The following PTCD3 variants were observed in gnomAD, a reference collection of about 807,000 sequenced individuals.
The protein encoded by PTCD3 is pentatricopeptide repeat domain 3, also known as small ribosomal subunit protein mS39.
A neutral mutation model predicts 101.9 loss-of-function variants in PTCD3; 89 were observed. The ratio of observed to expected loss-of-function variants is 0.87; its 90% CI spans 0.74 to 1.04. PTCD3 has a LOEUF of 1.04. Among genes scored for constraint, PTCD3 ranks in the 50% least tolerant of loss-of-function variants. The pLI, the probability that PTCD3 is intolerant of heterozygous loss-of-function variation, is 0.00. For synonymous variants in PTCD3, 296 were observed against 278.5 expected (o/e 1.06, Z -0.63); for missense variants, 870 against 828.2 (o/e 1.05, Z -0.62).
At chr2:86,136,099 G>C in intron 21 of PTCD3, 1 of 504,866 alleles carries the variant, frequency 2.0e-6, no homozygotes, top group Admixed American at 2.1e-5. Context: ...TTTTCCAGCT[G>C]TGCACAGGAT....
intron 14 of PTCD3, among the ~76,000 whole-genome samples, chr2:86,129,213 A>T (rs1393062838): frequency 6.6e-6 from 1 of 152,186 alleles, no homozygotes; most frequent in Non-Finnish European, 1.5e-5. Context: ...TCTGACTCCA[A>T]AGTATATTCC....
At chr2:86,117,594 T>C (rs1416010521) in intron 6 of PTCD3, among the ~76,000 whole-genome samples, 1 of 151,234 alleles carries the variant, frequency 6.6e-6, no homozygotes, top group Non-Finnish European at 1.5e-5. Context: ...ACTACAGGGG[T>C]GTGCCACCAT....
At chr2:86,127,843 CAA>C (rs1486625343) in intron 13 of PTCD3, 96 bp from the exon 14 acceptor site, 9 of 973,358 alleles carry the variant, frequency 9.2e-6, no homozygotes, top group African/African-American at 4.8e-5. Flanking sequence ...TAAATATTAA[CAA>C]TATGTTTTTA....
At position 86,132,310 on chromosome 2, in the gene PTCD3, A is replaced by G; in HGVS notation, c.1267-8A>G. 1 of 1,551,100 alleles carries G rather than the reference A, an allele frequency of 6.4e-7. No homozygotes were observed. Among genetic ancestry groups the G allele is most frequent in the Non-Finnish European group, 8.9e-7 (1 of 1,126,256 alleles). ...TCAGAGTGATACTTACTACTTGCAT[A>G]TTTTCAGTGCTCATCTCTCAGAGAT... On this transcript the variant is annotated splice_region_variant and splice_polypyrimidine_tract_variant and intron_variant, in intron 16 of 23. Transcript: ENST00000254630.
chr2:86,130,617 G>A, intron 14 of PTCD3, 31 bp from the exon 15 acceptor site: 1 of 1,600,596 alleles, frequency 6.2e-7, no homozygotes, highest in Non-Finnish European at 8.5e-7. Flanking sequence ...AAAGGAAGTG[G>A]ATTAAACACA....
rs1674662213 is a variant in PTCD3 at position 86,140,366 on chromosome 2, A to G, written c.*2807A>G. On this transcript the variant is annotated 3_prime_UTR_variant, in exon 24 of 24. Transcript: ENST00000254630. Reference sequence around the variant, plus strand: ...AAGACAGGGTAGCATTTGTCTTTCAAACTGCAGGGTTTGAAATCAGTTTTT... The same window carrying G: ...AAGACAGGGTAGCATTTGTCTTTCAGACTGCAGGGTTTGAAATCAGTTTTT... The G allele has an allele frequency of 6.6e-6, 1 of 152,166 alleles. No individual in the cohort carries two copies. The highest frequency in any genetic ancestry group is 1.5e-5 in the Non-Finnish European group (1 of 68,010). 9.4% of individuals were successfully genotyped at this position (152,166 alleles called of 1,614,324 possible).
rs138646371 is a variant in PTCD3 at position 86,113,152 on chromosome 2, C to T, written c.240+1994C>T. On this transcript the variant is annotated intron_variant, in intron 4 of 23. Transcript: ENST00000254630. ...ATTATTAACAAATGAATTAAGTATA[C>T]GTAAGATTTAGGATAGAGTCTGGGA... 2.6e-3 allele frequency among the ~76,000 whole-genome samples: 400 copies of T among 152,238 alleles called. 1 individual carries two copies. Among genetic ancestry groups the T allele is most frequent in the African/African-American group, 9.0e-3 (375 of 41,550 alleles).
intron 23 of PTCD3, 95 bp from the exon 24 acceptor site, chr2:86,137,374 C>A: frequency 6.6e-7 from 1 of 1,521,440 alleles, no homozygotes; most frequent in South Asian, 1.3e-5. Context: ...TTTCTGATTT[C>A]AAAACTGACA....
At chr2:86,124,390 C>T (rs1016323440) in intron 9 of PTCD3, among the ~76,000 whole-genome samples, 2 of 152,066 alleles carry the variant, frequency 1.3e-5, no homozygotes, top group East Asian at 1.9e-4. Flanking sequence ...CGTGGGAGGC[C>T]GAGGCAGGTG....
intron 7 of PTCD3, 111 bp downstream of exon 7, chr2:86,119,155 G>C: frequency 7.5e-7 from 1 of 1,338,088 alleles, no homozygotes; most frequent in Non-Finnish European, 1.0e-6. Context: ...TACTTACTCT[G>C]CTTTGATGGC....
intron 14 of PTCD3, 143 bp downstream of exon 14, chr2:86,128,134 G>C (rs1226655372): frequency 5.5e-6 from 4 of 728,214 alleles, no homozygotes; most frequent in Non-Finnish European, 8.9e-6. Flanking sequence ...AGCCTGAGCA[G>C]AAAGTTGTGG....
Position 86,136,911 on chromosome 2 carries a change from C to T in PTCD3, c.1821-71C>T, listed in dbSNP as rs1327577836. On this transcript the variant is annotated intron_variant, in intron 22 of 23. Coordinates refer to ENST00000254630, the MANE Select transcript of PTCD3 (RefSeq NM_017952.6). ...GTTGGGAATTCTGTTACTGAACTTA[C>T]ACTGGATCTTGCCTATAAATGTTTT... 7 of 1,554,598 alleles carry T rather than the reference C, an allele frequency of 4.5e-6. No individual in the cohort carries two copies. In the African/African-American group the frequency reaches 5.5e-5, roughly 12 times the overall value.
In PTCD3 at chr2:86,127,180, T is replaced by C; in HGVS notation, c.971T>C (p.Val324Ala). 1.2e-6 allele frequency: 2 copies of C among 1,613,340 alleles called. No individual in the cohort carries two copies. Residue 324 changes from valine (V) to alanine (A), a missense_variant, in exon 13 of 24, where the codon GTT becomes GCT. By Grantham distance (64) the Val-to-Ala change is moderately conservative. Transcript: ENST00000254630. ...ACCTAGGAGCTGCTAAGACACATGG[T>C]TGCACAGAAGGTGAAACCAAATCTT... ...SKILELLRHM[V>A]AQKVKPNLQT... is the part of the protein sequence containing the mutation.
intron 16 of PTCD3, among the ~76,000 whole-genome samples, chr2:86,132,093 C>T (rs1559516): frequency 0.79 from 120,800 of 152,164 alleles, 49,230 homozygotes; most frequent in South Asian, 0.88. Context: ...GGTGTTGTTA[C>T]AGGATTAATT....
At chr2:86,128,100 G>C in intron 14 of PTCD3, 109 bp downstream of exon 14, 1 of 990,230 alleles carries the variant, frequency 1.0e-6, no homozygotes, top group Non-Finnish European at 1.6e-6. Flanking sequence ...ATTAAGAAGA[G>C]AGAATTTGTA....
At chr2:86,110,595 A>G (rs1383748648) in intron 3 of PTCD3, among the ~76,000 whole-genome samples, 1 of 152,212 alleles carries the variant, frequency 6.6e-6, no homozygotes, top group Admixed American at 6.5e-5. Context: ...ATAACGTTAT[A>G]TATGGTTGAG....
At position 86,136,973 on chromosome 2, in the gene PTCD3, C is replaced by A. The variant is rs1415164166; in HGVS notation, c.1821-9C>A. On this transcript the variant is annotated splice_polypyrimidine_tract_variant and intron_variant, in intron 22 of 23. Coordinates refer to ENST00000254630, the MANE Select transcript of PTCD3 (RefSeq NM_017952.6). The stretch of plus-strand genomic sequence containing the variant: ...TGGAGAAAGTTCACACTTTGCCTTT[C>A]TTTTACAGAAGTGAGTTGCTGAATG... The A allele has an allele frequency of 1.9e-6, 3 of 1,612,820 alleles. No individual in the cohort carries two copies. The highest frequency in any genetic ancestry group is 2.5e-6 in the Non-Finnish European group (3 of 1,179,846).
At chr2:86,131,248 ATTTT>A in intron 16 of PTCD3, 142 bp downstream of exon 16, 1 of 649,070 alleles carries the variant, frequency 1.5e-6, no homozygotes, top group Non-Finnish European at 2.4e-6. Flanking sequence ...AAAATCTATA[ATTTT>A]TTTTTTCTTT....
In PTCD3 at chr2:86,140,812, C is replaced by T. The variant is rs956061828; in HGVS notation, c.*3253C>T. 2 of 151,224 alleles carry T rather than the reference C, an allele frequency of 1.3e-5. No individual in the cohort carries two copies. The highest frequency in any genetic ancestry group is 4.9e-5 in the African/African-American group (2 of 41,140). 9.4% of individuals were successfully genotyped at this position (151,224 alleles called of 1,614,324 possible). On this transcript the variant is annotated 3_prime_UTR_variant, in exon 24 of 24. Transcript: ENST00000254630. ...ATGCTGTCCAGGCCAGGCACAGTGG[C>T]TCACACCTGTAATCCCAGGACTTCG...
Sources: gnomAD v4.1 joint callset for allele counts (sites outside exome capture counted in the v4.1 genomes callset) on GRCh38, gnomAD v4.1.1 for gene constraint, MANE v1.5 for transcripts, NCBI Gene and HGNC (gene_info 2026-07-23, HGNC 2026-07-21) for gene names.